SCN9A: variants seen among roughly 807,000 people sequenced by gnomAD.
SCN9A encodes the protein sodium voltage-gated channel alpha subunit 9, also known as sodium channel protein type 9 subunit alpha.
Under a neutral mutation model 187.0 loss-of-function variants are expected in SCN9A, and 131 were observed. The ratio of observed to expected loss-of-function variants is 0.70; its 90% CI spans 0.61 to 0.81. The LOEUF is 0.81. SCN9A is among the 30% of genes least tolerant of loss of function. SCN9A has a pLI of 0.00. For synonymous variants in SCN9A, 809 were observed against 808.6 expected (o/e 1.00, Z -0.01); for missense variants, 2,252 against 2,396.6 (o/e 0.94, Z 1.26).
chr2:166,221,936 T>A (rs62176629), intron 24 of SCN9A, among the ~76,000 whole-genome samples: 3 of 152,098 alleles, frequency 2.0e-5, no homozygotes, highest in Non-Finnish European at 4.4e-5. Context: ...AAAATTGAAT[T>A]CTTATATTAT....
Position 166,251,809 on chromosome 2 carries a change from G to C in SCN9A, c.3428C>G (p.Ala1143Gly). ...PLPGEGEEAE[A>G]EPMNSDEPEA... ...TGGCTCATCGGAATTCATAGGTTCA[G>C]CCTCTGCTTCTTCTCCTTCTCCAGG... The change falls in exon 18 of 27, where the codon GCT becomes GGT. Residue 1143 changes from alanine (A) to glycine (G), a missense_variant. Ala to Gly is a moderately conservative substitution (Grantham distance 60). Transcript: ENST00000642356. 6.2e-7 allele frequency: 1 copy of C among 1,612,690 alleles called. No individual in the cohort carries two copies. The highest frequency in any genetic ancestry group is 8.5e-7 in the Non-Finnish European group (1 of 1,179,110).
At chr2:166,370,787 C>T (rs773396301) in intron 1 of SCN9A, among the ~76,000 whole-genome samples, 1 of 148,850 alleles carries the variant, frequency 6.7e-6, no homozygotes, top group Non-Finnish European at 1.5e-5. Context: ...ACATATCAAA[C>T]ATTTGGAAGA....
At chr2:166,245,384 C>T (rs1695742600) in intron 18 of SCN9A, among the ~76,000 whole-genome samples, 3 of 151,802 alleles carry the variant, frequency 2.0e-5, no homozygotes, top group Admixed American at 2.0e-4. Flanking sequence ...ACCTACACAT[C>T]ACTAGGACAG....
intron 17 of SCN9A, among the ~76,000 whole-genome samples, chr2:166,256,823 A>G (rs1044451490): frequency 1.3e-4 from 19 of 151,636 alleles, no homozygotes; most frequent in Admixed American, 9.9e-4. Context: ...AGAGAAATTC[A>G]GAATAAAACC....
intron 17 of SCN9A, among the ~76,000 whole-genome samples, chr2:166,252,725 G>T (rs1424326030): frequency 6.6e-6 from 1 of 151,522 alleles, no homozygotes; most frequent in Non-Finnish European, 1.5e-5. Flanking sequence ...ACGCAAATAG[G>T]TTTTTCTCAC....
At chr2:166,303,866 A>C (rs1347252241) in intron 6 of SCN9A, among the ~76,000 whole-genome samples, 1 of 152,176 alleles carries the variant, frequency 6.6e-6, no homozygotes, top group Non-Finnish European at 1.5e-5. Context: ...AGTCATCCTC[A>C]TCCTAAAGAC....
chr2:166,327,873 T>C (rs1699403809), intron 1 of SCN9A, among the ~76,000 whole-genome samples: 1 of 152,332 alleles, frequency 6.6e-6, no homozygotes, highest in Non-Finnish European at 1.5e-5. Flanking sequence ...TGATAACTCT[T>C]AGATGTCCTT....
rs1193323997 is a variant in SCN9A at position 166,242,499 on chromosome 2, T to G, written c.3627+3A>C. The G allele has an allele frequency of 6.4e-7, 1 of 1,573,930 alleles. No individual in the cohort carries two copies. Among genetic ancestry groups the G allele is most frequent in the Non-Finnish European group, 8.6e-7 (1 of 1,158,208 alleles). The stretch of plus-strand genomic sequence containing the variant: ...ATATTGACTTAGGTGTCAGATCATT[T>G]ACCAGGGCACCACTGCTGAGCAGGA... On this transcript the variant is annotated splice_donor_region_variant and intron_variant, in intron 19 of 26. Coordinates refer to ENST00000642356, the MANE Select transcript of SCN9A (RefSeq NM_001365536.1).
At position 166,213,813 on chromosome 2, in the gene SCN9A, G is replaced by A. The variant is rs149309213; in HGVS notation, c.4399-9349C>T. 2.8e-3 allele frequency among the ~76,000 whole-genome samples: 424 copies of A among 152,206 alleles called. 1 individual carries two copies. The highest frequency in any genetic ancestry group is 5.0e-3 in the Non-Finnish European group (339 of 68,010). The stretch of plus-strand genomic sequence containing the variant: ...TAAACATCTACATACACATGGATCA[G>A]TTCTCTCCAGAGAAACCCAGAATCC... On this transcript the variant is annotated intron_variant, in intron 24 of 26. Coordinates refer to ENST00000642356, the MANE Select transcript of SCN9A (RefSeq NM_001365536.1).
chr2:166,319,506 T>C (rs1253315058), intron 1 of SCN9A, among the ~76,000 whole-genome samples: 2 of 152,048 alleles, frequency 1.3e-5, no homozygotes, highest in Non-Finnish European at 2.9e-5. Context: ...GAACAACTGG[T>C]AGAATTGAAG....
chr2:166,216,976 A>G (rs1405118121), intron 24 of SCN9A, among the ~76,000 whole-genome samples: 1 of 152,086 alleles, frequency 6.6e-6, no homozygotes, highest in African/African-American at 2.4e-5. Context: ...CTGTCATTTC[A>G]AAATATAAAG....
chr2:166,359,974 C>T (rs977548857), intron 1 of SCN9A, among the ~76,000 whole-genome samples: 8 of 151,634 alleles, frequency 5.3e-5, no homozygotes, highest in Non-Finnish European at 1.2e-4. Context: ...ATAATCCCAG[C>T]ACTTTGGGAA....
At chr2:166,265,873 A>C (rs1032047794) in intron 17 of SCN9A, among the ~76,000 whole-genome samples, 1 of 151,828 alleles carries the variant, frequency 6.6e-6, no homozygotes, top group African/African-American at 2.4e-5. Flanking sequence ...TTTGAGAAAT[A>C]TCTATTCAGG....
rs1693384311 is a variant in SCN9A, at chr2:166,199,640, C to G, written c.4999G>C (p.Ala1667Pro). 1 of 1,614,080 alleles carries G rather than the reference C, an allele frequency of 6.2e-7. No individual in the cohort carries two copies. Among genetic ancestry groups the G allele is most frequent in the Non-Finnish European group, 8.5e-7 (1 of 1,180,024 alleles). Residue 1667 changes from alanine (A) to proline (P), a missense_variant, in exon 27 of 27, where the codon GCC (alanine) becomes CCC (proline). Transcript: ENST00000642356. The part of the protein sequence containing the change: ...IYAIFGMSNF[A>P]YVKKEDGIND... ...ATTCCATCTTCCTTTTTAACATAGG[C>G]AAAGTTGGACATTCCAAAGATGGCG...
chr2:166,364,348 T>C (rs1199943292), intron 1 of SCN9A, among the ~76,000 whole-genome samples: 2 of 151,966 alleles, frequency 1.3e-5, no homozygotes, highest in Admixed American at 6.6e-5. Flanking sequence ...AAACAATTAA[T>C]AGAAGGGACG....
intron 1 of SCN9A, among the ~76,000 whole-genome samples, chr2:166,330,579 C>T (rs956261977): frequency 6.6e-6 from 1 of 152,124 alleles, no homozygotes; most frequent in African/African-American, 2.4e-5. Flanking sequence ...CCTGGCAATC[C>T]AGCAGTCCCC....
intron 21 of SCN9A, among the ~76,000 whole-genome samples, 159 bp from the exon 22 acceptor site, chr2:166,229,131 C>T (rs1355596023): frequency 6.6e-6 from 1 of 152,176 alleles, no homozygotes; most frequent in African/African-American, 2.4e-5. Context: ...TAAATGCCTA[C>T]TCTACACTCA....
At chr2:166,207,924 A>G (rs1449822367) in intron 24 of SCN9A, among the ~76,000 whole-genome samples, 1 of 152,228 alleles carries the variant, frequency 6.6e-6, no homozygotes, top group Non-Finnish European at 1.5e-5. Context: ...AGAACTTGAC[A>G]GAAGAAGCTG....
intron 1 of SCN9A, among the ~76,000 whole-genome samples, chr2:166,354,010 C>G (rs547819277): frequency 5.9e-5 from 9 of 152,124 alleles, no homozygotes; most frequent in Non-Finnish European, 1.2e-4. Context: ...TTGCCTTTAA[C>G]ATAGATGTCA....
Sources: gnomAD v4.1 joint callset for allele counts (sites outside exome capture counted in the v4.1 genomes callset) on GRCh38, gnomAD v4.1.1 for gene constraint, MANE v1.5 for transcripts, NCBI Gene and HGNC (gene_info 2026-07-23, HGNC 2026-07-21) for gene names.